Variants in GAL3ST2 observed in about 807,000 individuals in gnomAD.
GAL3ST2 encodes galactose-3-O-sulfotransferase 2.
A neutral mutation model predicts 12.9 loss-of-function variants in GAL3ST2; 16 were observed. That is an observed-to-expected ratio of 1.24 (90% CI 0.84 to 1.88). The LOEUF is 1.88. Ranked by LOEUF, GAL3ST2 falls within the 40% of genes most tolerant of loss-of-function variation. The probability of loss-of-function intolerance (pLI) is 0.00; values close to 1 mark genes in which losing one functional copy is unlikely to be tolerated. For missense variants in GAL3ST2, 639 were observed against 571.8 expected, an observed-to-expected ratio of 1.12 and a Z score of -1.20; for synonymous variants, 302 against 273.9, an observed-to-expected ratio of 1.10 and a Z score of -1.01.
At chr2:241,785,148 G>A (rs1005388268) in intron 1 of GAL3ST2, among the ~76,000 whole-genome samples, 1 of 151,960 alleles carries the variant, frequency 6.6e-6, no homozygotes, top group Non-Finnish European at 1.5e-5. Context: ...AAACAAAGAC[G>A]TTTCTAAGTG....
intron 1 of GAL3ST2, among the ~76,000 whole-genome samples, chr2:241,788,662 G>T (rs1167308656): frequency 6.6e-6 from 1 of 152,190 alleles, no homozygotes. Flanking sequence ...TGTCTAGGGG[G>T]TTGACCCCTG....
chr2:241,780,188 A>T (rs1264975626), intron 1 of GAL3ST2, among the ~76,000 whole-genome samples: 1 of 152,042 alleles, frequency 6.6e-6, no homozygotes, highest in Non-Finnish European at 1.5e-5. Context: ...ACATTAGGCA[A>T]GACTAGAATC....
chr2:241,801,626 ATGG>A lies in GAL3ST2; in HGVS notation c.120-154_120-152del, dbSNP rs553941506. 476 of 938,216 alleles carry A rather than the reference ATGG, an allele frequency of 5.1e-4. No individual in the cohort carries two copies. The Middle Eastern group carries it at 5.2e-3, about 10-fold the overall frequency. 58.1% of individuals were successfully genotyped at this position (938,216 alleles called of 1,614,324 possible). A position where few individuals can be genotyped will look rare whatever the true frequency, so the allele number is the denominator to read the frequency against. ...GTGGAGTGGGGCAAGGATTGGGGCCATGGGTCGGTGCCTACCCAGTTGGCCCCC... is the reference window on the plus strand; with the variant it reads ...GTGGAGTGGGGCAAGGATTGGGGCCAGTCGGTGCCTACCCAGTTGGCCCCC... On this transcript the variant is annotated intron_variant, in intron 2 of 3. Transcript: ENST00000192314. This position sits in a 1 kb window ranked among gnomAD's most constrained non-coding sequence, Gnocchi z 4.4.
At chr2:241,797,200 A>G (rs1575366488) in intron 1 of GAL3ST2, among the ~76,000 whole-genome samples, 1 of 152,206 alleles carries the variant, frequency 6.6e-6, no homozygotes, top group East Asian at 1.9e-4. Flanking sequence ...TCTTTTCTTC[A>G]TACCCTCTTG....
rs373647544 is a variant in GAL3ST2 at position 241,803,535 on chromosome 2, C to A, written c.566C>A (p.Ala189Asp). Residue 189 changes from alanine to aspartate, a missense_variant, in exon 4 of 4, where the codon GCC becomes GAC. Coordinates refer to ENST00000192314, the MANE Select transcript of GAL3ST2 (RefSeq NM_022134.3). Reference protein sequence around the residue: ...NDSRHLRNVYAKNNMWFDFGF... With the variant: ...NDSRHLRNVYDKNNMWFDFGF... ...AGCCGCCACCTCAGGAACGTCTACGCCAAGAACAACATGTGGTTCGACTTC... is the reference window on the plus strand; with the variant it reads ...AGCCGCCACCTCAGGAACGTCTACGACAAGAACAACATGTGGTTCGACTTC... The A allele has an allele frequency of 1.2e-6, 2 of 1,609,824 alleles. No individual in the cohort carries two copies. The highest frequency in any genetic ancestry group is 1.3e-5 in the African/African-American group (1 of 74,880).
chr2:241,792,752 A>T (rs948204933), intron 1 of GAL3ST2, among the ~76,000 whole-genome samples: 1 of 152,122 alleles, frequency 6.6e-6, no homozygotes, highest in Admixed American at 6.5e-5. Context: ...AACGGGGGGA[A>T]ATGTGAAAGG....
Position 241,793,717 on chromosome 2 carries a change from T to C in GAL3ST2, c.30-5348T>C, listed in dbSNP as rs993744766. The stretch of plus-strand genomic sequence containing the variant: ...TATATGTGTATGTACGTATTGTGTA[T>C]GCATGTGTGTATGTGTGTATATGTA... On this transcript the variant is annotated intron_variant, in intron 1 of 3. Coordinates refer to ENST00000192314, the MANE Select transcript of GAL3ST2 (RefSeq NM_022134.3). This position sits in a 1 kb window ranked among gnomAD's most constrained non-coding sequence, Gnocchi z 4.7. Among the ~76,000 whole-genome samples, 2 of 151,936 alleles carry C rather than the reference T, an allele frequency of 1.3e-5. No individual in the cohort carries two copies. The highest frequency in any genetic ancestry group is 4.8e-5 in the African/African-American group (2 of 41,350).
At chr2:241,803,324 C>G in intron 3 of GAL3ST2, 21 bp from the exon 4 acceptor site, 13 of 1,563,928 alleles carry the variant, frequency 8.3e-6, no homozygotes, top group Non-Finnish European at 1.0e-5. Flanking sequence ...GTCCGCAGCC[C>G]GCCTCTCTGT....
chr2:241,780,215 A>G (rs947369518), intron 1 of GAL3ST2, among the ~76,000 whole-genome samples: 1 of 151,972 alleles, frequency 6.6e-6, no homozygotes, highest in Non-Finnish European at 1.5e-5. Context: ...CAGGTGTACT[A>G]TAGTTTTTGA....
At position 241,800,641 on chromosome 2, in the gene GAL3ST2, TCC is replaced by T. The variant is rs1699831576; in HGVS notation, c.120-1138_120-1137del. Among the ~76,000 whole-genome samples the T allele has an allele frequency of 6.6e-6, 1 of 152,028 alleles. No individual in the cohort carries two copies. Among genetic ancestry groups the T allele is most frequent in the Non-Finnish European group, 1.5e-5 (1 of 67,990 alleles). ...GCCAGAACCAGTCCGGGGCTGGGGG[TCC>T]CTGCTCAGGGGACAGTTACTGAAAT... is the stretch of plus-strand genomic sequence containing the variant. On this transcript the variant is annotated intron_variant, in intron 2 of 3. Transcript: ENST00000192314. This position sits in a 1 kb window ranked among gnomAD's most constrained non-coding sequence, Gnocchi z 5.2.
chr2:241,802,998 A>T lies in GAL3ST2; in HGVS notation c.376-347A>T, dbSNP rs1314210084. 2.6e-5 allele frequency among the ~76,000 whole-genome samples: 4 copies of T among 151,878 alleles called. No individual in the cohort carries two copies. Among genetic ancestry groups the T allele is most frequent in the Non-Finnish European group, 5.9e-5 (4 of 67,938 alleles). On this transcript the variant is annotated intron_variant, in intron 3 of 3. Coordinates refer to ENST00000192314, the MANE Select transcript of GAL3ST2 (RefSeq NM_022134.3). This position sits in a 1 kb window ranked among gnomAD's most constrained non-coding sequence, Gnocchi z 4.8. ...GCCCTTCGTGCTGTCTGTGCGCCAC[A>T]GCATCCCACTCCTAGAGGCCTCTGG...
intron 3 of GAL3ST2, 33 bp from the exon 4 acceptor site, chr2:241,803,312 C>T (rs768883953): frequency 9.1e-6 from 14 of 1,531,476 alleles, no homozygotes; most frequent in Non-Finnish European, 1.1e-5. Context: ...CCTGGGCCCG[C>T]GGTCCGCAGC....
At chr2:241,778,710 G>A (rs919515672) in intron 1 of GAL3ST2, among the ~76,000 whole-genome samples, 9 of 152,138 alleles carry the variant, frequency 5.9e-5, no homozygotes, top group Non-Finnish European at 1.3e-4. Context: ...GTGTGCCCAA[G>A]GTGGTCAGGG....
rs775942870 is a variant in GAL3ST2 at position 241,799,167 on chromosome 2, C to G, written c.119+13C>G. 1.2e-6 allele frequency: 2 copies of G among 1,611,864 alleles called. No individual in the cohort carries two copies. The highest frequency in any genetic ancestry group is 4.5e-5 in the East Asian group (2 of 44,876). ...AGCTGGACACACCGTAAGTCCTGCCCCCACCATAAGTCCTGCCCCGGGTAC... is the reference window on the plus strand; with the variant it reads ...AGCTGGACACACCGTAAGTCCTGCCGCCACCATAAGTCCTGCCCCGGGTAC... On this transcript the variant is annotated intron_variant, in intron 2 of 3. Transcript: ENST00000192314.
chr2:241,803,903 G>A lies in GAL3ST2; in HGVS notation c.934G>A (p.Ala312Thr). 7.1e-7 allele frequency: 1 copy of A among 1,413,968 alleles called. No individual in the cohort carries two copies. The highest frequency in any genetic ancestry group is 9.2e-7 in the Non-Finnish European group (1 of 1,091,700). The allele number at this position is 1,413,968 out of a possible 1,614,324, so 87.6% of individuals were successfully genotyped here. Reference sequence around the variant, plus strand: ...GCGCGGGGAGGTGGAGCGGCTGCGCGCCCGGAGGCGCGAACTCGCGAGCCT... The same window carrying A: ...GCGCGGGGAGGTGGAGCGGCTGCGCACCCGGAGGCGCGAACTCGCGAGCCT... The part of the protein sequence containing the change: ...RLRGEVERLR[A>T]RRRELASLCL... Residue 312 changes from alanine to threonine, a missense_variant, in exon 4 of 4, where the codon GCC becomes ACC. Coordinates refer to ENST00000192314, the MANE Select transcript of GAL3ST2 (RefSeq NM_022134.3).
At chr2:241,783,141 A>G (rs1412759302) in intron 1 of GAL3ST2, among the ~76,000 whole-genome samples, 4 of 149,776 alleles carry the variant, frequency 2.7e-5, no homozygotes. Flanking sequence ...TCCATCTCCA[A>G]AAAAAAAAAC....
At position 241,776,896 on chromosome 2, in the gene GAL3ST2, G is replaced by C; in HGVS notation, c.-60G>C. 1 of 1,390,020 alleles carries C rather than the reference G, an allele frequency of 7.2e-7. No individual in the cohort carries two copies. Among genetic ancestry groups the C allele is most frequent in the Non-Finnish European group, 9.5e-7 (1 of 1,053,198 alleles). 86.1% of individuals were successfully genotyped at this position (1,390,020 alleles called of 1,614,324 possible). ...GCCCAGAGCCGGCAGGGGCCGAGGCGGTGGGACCTCGGGGGAGCTCAAGCC... is the reference window on the plus strand; with the variant it reads ...GCCCAGAGCCGGCAGGGGCCGAGGCCGTGGGACCTCGGGGGAGCTCAAGCC... On this transcript the variant is annotated 5_prime_UTR_variant, in exon 1 of 4. Coordinates refer to ENST00000192314, the MANE Select transcript of GAL3ST2 (RefSeq NM_022134.3).
intron 1 of GAL3ST2, among the ~76,000 whole-genome samples, chr2:241,787,595 A>C (rs10184669): frequency 0.47 from 68,337 of 144,278 alleles, 18,248 homozygotes; most frequent in African/African-American, 0.76. Flanking sequence ...GGCCAGTTCT[A>C]CTGCTTCCAT....
At position 241,801,122 on chromosome 2, in the gene GAL3ST2, T is replaced by C. The variant is rs66924973; in HGVS notation, c.120-659T>C. ...ATGCTTTCCTTCCCCTTACACCCCATCCCCGACAGGCCCTGGGATGCGCTG... is the reference window on the plus strand; with the variant it reads ...ATGCTTTCCTTCCCCTTACACCCCACCCCCGACAGGCCCTGGGATGCGCTG... On this transcript the variant is annotated intron_variant, in intron 2 of 3. Coordinates refer to ENST00000192314, the MANE Select transcript of GAL3ST2 (RefSeq NM_022134.3). This position sits in a 1 kb window ranked among gnomAD's most constrained non-coding sequence, Gnocchi z 4.4. 0.5 allele frequency: 76,191 copies of C among 151,958 alleles called. 21,823 individuals are homozygous for C. Among genetic ancestry groups the C allele is most frequent in the African/African-American group, 0.8 (33,048 of 41,352 alleles). 9.4% of individuals were successfully genotyped at this position (151,958 alleles called of 1,614,324 possible).
Sources: allele counts gnomAD v4.1 joint callset (sites outside exome capture counted in the v4.1 genomes callset), GRCh38; gene constraint gnomAD v4.1.1; non-coding constraint Gnocchi (gnomAD v3.1); transcripts MANE v1.5; gene names NCBI Gene and HGNC (gene_info 2026-07-23, HGNC 2026-07-21).